MEI1: variants seen among roughly 807,000 people sequenced by gnomAD.
MEI1 encodes meiosis inhibitor protein 1.
MEI1 carries 103 observed loss-of-function variants against 146.2 expected under a neutral mutation model. The observed-to-expected ratio is 0.70, with a 90% CI of 0.60 to 0.83. The LOEUF (loss-of-function observed/expected upper bound fraction) is 0.83. Ranked by LOEUF, MEI1 falls within the 40% of genes least tolerant of loss-of-function variation. The probability of loss-of-function intolerance (pLI) is 0.00; values close to 1 mark genes in which losing one functional copy is unlikely to be tolerated. For missense variants in MEI1, 1,529 were observed against 1,533.0 expected (o/e 1.00, Z 0.04); for synonymous variants, 652 against 628.2 (o/e 1.04, Z -0.57).
chr22:41,795,109 AT>A lies in MEI1; in HGVS notation c.3535-301del, dbSNP rs1467707674. Among the ~76,000 whole-genome samples the A allele has an allele frequency of 6.6e-6, 1 of 152,180 alleles. No individual in the cohort carries two copies. The highest frequency in any genetic ancestry group is 2.4e-5 in the African/African-American group (1 of 41,448). The stretch of plus-strand genomic sequence containing the variant: ...AACAGGTACAAGAGCACATGGTGGT[AT>A]GTCAGGGGAGCCACACGTAGTTCAT... On this transcript the variant is annotated intron_variant, in intron 28 of 30. Transcript: ENST00000401548. The surrounding 1 kb of genome is among the most constrained non-coding windows in gnomAD (Gnocchi z 4.2).
Position 41,796,913 on chromosome 22 carries a change from G to C in MEI1, c.3779+1066G>C, listed in dbSNP as rs1400604975. ...TGAGCCAAGATCACACCACTGTACT[G>C]CACCCTGGGCGACAAAACATGACTC... On this transcript the variant is annotated intron_variant, in intron 30 of 30. Transcript: ENST00000401548. Among the ~76,000 whole-genome samples, 4 of 152,050 alleles carry C rather than the reference G, an allele frequency of 2.6e-5. No homozygotes were observed. In the South Asian group the frequency reaches 6.2e-4, roughly 24 times the overall value.
At chr22:41,715,956 T>G (rs1053156170) in intron 4 of MEI1, 85 bp from the exon 5 acceptor site, 4 of 946,564 alleles carry the variant, frequency 4.2e-6, no homozygotes, top group East Asian at 2.8e-5. Context: ...AATACAGGCA[T>G]TGGTGTGGGT....
chr22:41,718,037 A>G (rs1377223961), intron 5 of MEI1, 34 bp from the exon 6 acceptor site: 1 of 1,551,006 alleles, frequency 6.4e-7, no homozygotes, highest in Non-Finnish European at 8.8e-7. Context: ...ACATTGTGAA[A>G]TTTCCCTTGG....
intron 16 of MEI1, 98 bp from the exon 17 acceptor site, chr22:41,753,851 G>GT: frequency 1.2e-6 from 1 of 858,640 alleles, no homozygotes; most frequent in Non-Finnish European, 2.0e-6. Context: ...CTAGCCTCTG[G>GT]CACAAAGCAG....
chr22:41,786,233 G>A (rs2075982224), intron 26 of MEI1, among the ~76,000 whole-genome samples: 1 of 152,066 alleles, frequency 6.6e-6, no homozygotes, highest in Admixed American at 6.5e-5. Context: ...TTTAAATACA[G>A]ATGGGGTCTT....
intron 19 of MEI1, among the ~76,000 whole-genome samples, chr22:41,767,242 A>G (rs2074916374): frequency 6.6e-6 from 1 of 152,206 alleles, no homozygotes; most frequent in South Asian, 2.1e-4. Flanking sequence ...TTTACCTGTG[A>G]ATGCCCTTTA....
intron 12 of MEI1, among the ~76,000 whole-genome samples, chr22:41,743,898 T>C (rs2073079066): frequency 6.6e-6 from 1 of 152,010 alleles, no homozygotes; most frequent in East Asian, 1.9e-4. Context: ...TTTCCCGAGA[T>C]GGAGTCTTAC....
In MEI1 at chr22:41,794,386, C is replaced by T. The variant is rs769845452; in HGVS notation, c.3443C>T (p.Ser1148Phe). The T allele has an allele frequency of 3.1e-6, 5 of 1,613,936 alleles. No individual in the cohort carries two copies. The highest frequency in any genetic ancestry group is 1.6e-4 in the Middle Eastern group (1 of 6,062). ...RSPDIALHVA[S>F]QPWNRFLLFT... ...TTTCTTGAAGCTCTCCACGTGGCCT[C>T]CCAGCCTTGGAATCGGTTTTTGCTG... Residue 1148 changes from serine to phenylalanine, a missense_variant, in exon 28 of 31, where the codon TCC becomes TTC. Around this residue, in one of 3 missense-constraint regions of MEI1, gnomAD observed 313 missense variants for 337.3 expected, o/e 0.93. Transcript: ENST00000401548.
chr22:41,768,878 T>C (rs2075012212), intron 19 of MEI1, among the ~76,000 whole-genome samples: 1 of 152,178 alleles, frequency 6.6e-6, no homozygotes, highest in African/African-American at 2.4e-5. Flanking sequence ...CATATCAACT[T>C]ATATAGTGAA....
intron 20 of MEI1, among the ~76,000 whole-genome samples, chr22:41,771,853 C>G (rs956314320): frequency 3.3e-5 from 5 of 152,066 alleles, no homozygotes; most frequent in African/African-American, 1.2e-4. Flanking sequence ...TTTTCTTCAC[C>G]AGATGAAATA....
At chr22:41,780,278 C>T (rs1048610388) in intron 22 of MEI1, among the ~76,000 whole-genome samples, 13 of 152,036 alleles carry the variant, frequency 8.6e-5, no homozygotes, top group African/African-American at 2.4e-4. Flanking sequence ...GACTGTGGTT[C>T]GGGGTGGAGG....
intron 1 of MEI1, among the ~76,000 whole-genome samples, chr22:41,701,416 G>T (rs1053318697): frequency 1.3e-5 from 2 of 151,904 alleles, no homozygotes; most frequent in Non-Finnish European, 2.9e-5. Context: ...GGATCACGAG[G>T]CCAGAAGTTC....
chr22:41,729,785 G>A lies in MEI1; in HGVS notation c.979+6G>A, dbSNP rs756092617. Reference sequence around the variant, plus strand: ...CATCCACGCTGACATCCCAGGTAGGGGAACACTTCTAACCTTCTCCTCCCT... The same window carrying A: ...CATCCACGCTGACATCCCAGGTAGGAGAACACTTCTAACCTTCTCCTCCCT... On this transcript the variant is annotated splice_donor_region_variant and intron_variant, in intron 8 of 30. Transcript: ENST00000401548. 6 of 1,588,244 alleles carry A rather than the reference G, an allele frequency of 3.8e-6. No individual in the cohort carries two copies.
chr22:41,718,043 C>G, intron 5 of MEI1, 28 bp from the exon 6 acceptor site: 1 of 1,564,950 alleles, frequency 6.4e-7, no homozygotes, highest in Non-Finnish European at 8.7e-7. Context: ...TGAAATTTCC[C>G]TTGGCTCCTT....
chr22:41,760,545 G>A (rs778591274), intron 18 of MEI1, among the ~76,000 whole-genome samples: 4 of 152,078 alleles, frequency 2.6e-5, no homozygotes, highest in African/African-American at 7.2e-5. Context: ...ATAATTTATT[G>A]GCTGGGTGTA....
At chr22:41,785,424 G>A (rs1412985090) in intron 26 of MEI1, among the ~76,000 whole-genome samples, 4 of 150,590 alleles carry the variant, frequency 2.7e-5, no homozygotes, top group East Asian at 2.0e-4. Flanking sequence ...CACCACGCCC[G>A]GCTAATTTTT....
Position 41,784,396 on chromosome 22 carries a change from A to G in MEI1, c.3145A>G (p.Lys1049Glu), listed in dbSNP as rs12484839. Residue 1049 changes from lysine to glutamate, a missense_variant, in exon 25 of 31, where the codon AAG (lysine) becomes GAG (glutamate). Transcript: ENST00000401548. ...DQVLKALSFP[K>E]KKAALLSAAI... Reference sequence around the variant, plus strand: ...AGTATTGAAGGCTCTCAGCTTTCCAAAGAAAAAGGCTGCACTACTCTCAGG... The same window carrying G: ...AGTATTGAAGGCTCTCAGCTTTCCAGAGAAAAAGGCTGCACTACTCTCAGG... 9.3e-4 allele frequency: 1,497 copies of G among 1,613,980 alleles called. 41 individuals carry two copies. In the Admixed American group the frequency reaches 0.025, roughly 26 times the overall value.
chr22:41,730,629 C>G lies in MEI1; in HGVS notation c.1088C>G (p.Thr363Arg), dbSNP rs370146597. The change falls in exon 9 of 31, where the codon ACG (threonine) becomes AGG (arginine). Residue 363 changes from threonine to arginine, a missense_variant. Transcript: ENST00000401548. ...CCACTCTTTTTTTCCAAGTGCCACA[C>G]GGTGTATGGTTGGTAGTAAGGGTCC... ...EEPLFFSKCH[T>R]VYGIEAVVRS... is the part of the protein sequence containing the mutation. 6.2e-7 allele frequency: 1 copy of G among 1,610,598 alleles called. No individual in the cohort carries two copies. The highest frequency in any genetic ancestry group is 1.3e-5 in the African/African-American group (1 of 74,802).
Position 41,748,111 on chromosome 22 carries a change from A to G in MEI1, c.1685A>G (p.His562Arg). Residue 562 changes from histidine to arginine, a missense_variant, in exon 15 of 31, where the codon CAC (histidine) becomes CGC (arginine). Coordinates refer to ENST00000401548, the MANE Select transcript of MEI1 (RefSeq NM_152513.4). ...CTCTCTCCTGGTTCTTTGCAGAGAC[A>G]CTTGGAGCAGACCACCCACCCAGCT... ...DSLCIPMVMR[H>R]LEQTTHPALM... 6.2e-7 allele frequency: 1 copy of G among 1,612,602 alleles called. No individual in the cohort carries two copies.
Sources: allele counts gnomAD v4.1 joint callset (sites outside exome capture counted in the v4.1 genomes callset), GRCh38; gene constraint gnomAD v4.1.1; regional missense constraint gnomAD v4.1.1; non-coding constraint Gnocchi (gnomAD v3.1); transcripts MANE v1.5; gene names NCBI Gene and HGNC (gene_info 2026-07-23, HGNC 2026-07-21).